Variants in FAM204A observed in about 807,000 individuals in gnomAD.
The protein encoded by FAM204A is family with sequence similarity 204 member A, also known as protein FAM204A.
Under a neutral mutation model 35.4 loss-of-function variants are expected in FAM204A, and 16 were observed. The ratio of observed to expected loss-of-function variants is 0.45; its 90% CI spans 0.31 to 0.69. The LOEUF (loss-of-function observed/expected upper bound fraction) is 0.69, where lower values mean the gene tolerates loss of function less well. Ranked by LOEUF, FAM204A falls within the 30% of genes least tolerant of loss-of-function variation. The probability of loss-of-function intolerance (pLI) is 0.07; values close to 1 mark genes in which losing one functional copy is unlikely to be tolerated. For synonymous variants in FAM204A, 76 were observed against 86.9 expected, an observed-to-expected ratio of 0.88 and a Z score of 0.70; for missense variants, 240 against 265.7, an observed-to-expected ratio of 0.90 and a Z score of 0.67.
At chr10:118,319,238 T>C (rs1372007248) in intron 7 of FAM204A, among the ~76,000 whole-genome samples, 1 of 152,026 alleles carries the variant, frequency 6.6e-6, no homozygotes, top group Admixed American at 6.6e-5. Flanking sequence ...TCTCCACAAT[T>C]GCTTTACAGA....
rs929049515 is a variant in FAM204A at position 118,306,027 on chromosome 10, C to A, written c.*4830G>T. 6 of 152,238 alleles carry A rather than the reference C, an allele frequency of 3.9e-5. No individual in the cohort carries two copies. The highest frequency in any genetic ancestry group is 1.4e-4 in the African/African-American group (6 of 41,454). The allele number at this position is 152,238 out of a possible 1,614,324, so 9.4% of individuals were successfully genotyped here. A position where few individuals can be genotyped will look rare whatever the true frequency, so the allele number is the denominator to read the frequency against. On this transcript the variant is annotated 3_prime_UTR_variant, in exon 9 of 9. Transcript: ENST00000369183. ...CTTCTTGATCAAATGCCAGAACTTACAGATGAATATGAAACAGACATCAAT... is the reference window on the plus strand; with the variant it reads ...CTTCTTGATCAAATGCCAGAACTTAAAGATGAATATGAAACAGACATCAAT...
At chr10:118,315,998 C>T (rs1475836056) in intron 7 of FAM204A, among the ~76,000 whole-genome samples, 1 of 152,132 alleles carries the variant, frequency 6.6e-6, no homozygotes, top group African/African-American at 2.4e-5. Flanking sequence ...AGTAATATGA[C>T]ATTATTCATT....
rs1332374216 is a variant in FAM204A at position 118,301,356 on chromosome 10, G to C, written c.*9501C>G. 1 of 152,184 alleles carries C rather than the reference G, an allele frequency of 6.6e-6. No individual in the cohort carries two copies. Among genetic ancestry groups the C allele is most frequent in the Admixed American group, 6.5e-5 (1 of 15,280 alleles). 9.4% of individuals were successfully genotyped at this position (152,184 alleles called of 1,614,324 possible). ...TAGAAGACACTAGACTCTCAGTTCA[G>C]ACATTTACTCACAACAGAAATAGCC... On this transcript the variant is annotated 3_prime_UTR_variant, in exon 9 of 9. Transcript: ENST00000369183.
At chr10:118,331,302 T>C (rs1311225611) in intron 6 of FAM204A, among the ~76,000 whole-genome samples, 1 of 152,204 alleles carries the variant, frequency 6.6e-6, no homozygotes, top group African/African-American at 2.4e-5. Context: ...GAGCTACTGA[T>C]AGCCTGCAGC....
At chr10:118,336,559 C>A in intron 2 of FAM204A, 136 bp from the exon 3 acceptor site, 2 of 675,386 alleles carry the variant, frequency 3.0e-6, no homozygotes, top group Non-Finnish European at 4.5e-6. Context: ...TTTTTTTAAT[C>A]TAAAATGGCA....
intron 7 of FAM204A, among the ~76,000 whole-genome samples, chr10:118,312,745 G>A (rs529450355): frequency 4.6e-5 from 7 of 152,244 alleles, no homozygotes; most frequent in African/African-American, 9.6e-5. Flanking sequence ...ACTCAAACCC[G>A]TATTTAGCAG....
At chr10:118,320,741 G>A (rs1350626873) in intron 7 of FAM204A, among the ~76,000 whole-genome samples, 2 of 151,922 alleles carry the variant, frequency 1.3e-5, no homozygotes, top group East Asian at 1.9e-4. Context: ...CTTCAAACAT[G>A]TGAAGTGACT....
intron 4 of FAM204A, 29 bp downstream of exon 4, chr10:118,335,525 G>A (rs1367811028): frequency 6.9e-6 from 11 of 1,605,184 alleles, no homozygotes; most frequent in African/African-American, 6.7e-5. Context: ...GCATTAGCAC[G>A]ACGAACAACC....
intron 3 of FAM204A, 37 bp downstream of exon 3, chr10:118,336,145 C>A (rs1435102436): frequency 6.3e-7 from 1 of 1,596,048 alleles, no homozygotes; most frequent in Admixed American, 1.7e-5. Flanking sequence ...TGTGCACACA[C>A]ACAGGCTGTA....
chr10:118,329,304 C>A (rs1846251143), intron 6 of FAM204A, among the ~76,000 whole-genome samples: 1 of 152,140 alleles, frequency 6.6e-6, no homozygotes, highest in Non-Finnish European at 1.5e-5. Flanking sequence ...CATGTCATTA[C>A]CCAGCTTAAA....
intron 7 of FAM204A, among the ~76,000 whole-genome samples, chr10:118,321,570 A>T (rs1279189667): frequency 6.6e-6 from 1 of 152,026 alleles, no homozygotes; most frequent in Non-Finnish European, 1.5e-5. Flanking sequence ...ACAATGAGAA[A>T]AACATTTACT....
intron 3 of FAM204A, 33 bp from the exon 4 acceptor site, chr10:118,335,674 TA>T: frequency 6.8e-7 from 1 of 1,467,780 alleles, no homozygotes; most frequent in Non-Finnish European, 9.3e-7. Flanking sequence ...GAGAAGCAAA[TA>T]TACTTTCCAG....
At position 118,300,344 on chromosome 10, in the gene FAM204A, GA is replaced by G. The variant is rs1229544373; in HGVS notation, c.*10512del. 6.6e-6 allele frequency: 1 copy of G among 152,122 alleles called. No individual in the cohort carries two copies. The highest frequency in any genetic ancestry group is 1.5e-5 in the Non-Finnish European group (1 of 68,026). 9.4% of individuals were successfully genotyped at this position (152,122 alleles called of 1,614,324 possible). On this transcript the variant is annotated 3_prime_UTR_variant, in exon 9 of 9. Coordinates refer to ENST00000369183, the MANE Select transcript of FAM204A (RefSeq NM_022063.3). Reference sequence around the variant, plus strand: ...GGATGATTTAATGCAGAAATATCTTGAAAGAAAAGATGAAAGGACGTATTAC... The same window carrying G: ...GGATGATTTAATGCAGAAATATCTTGAAGAAAAGATGAAAGGACGTATTAC...
chr10:118,308,480 A>C lies in FAM204A; in HGVS notation c.*2377T>G, dbSNP rs1210857609. Reference sequence around the variant, plus strand: ...GAAAGGATAAAATAAAACTGCTCTCAAATGACATGTCAGCAGGGCCAATCC... The same window carrying C: ...GAAAGGATAAAATAAAACTGCTCTCCAATGACATGTCAGCAGGGCCAATCC... On this transcript the variant is annotated 3_prime_UTR_variant, in exon 9 of 9. Coordinates refer to ENST00000369183, the MANE Select transcript of FAM204A (RefSeq NM_022063.3). 4 of 152,194 alleles carry C rather than the reference A, an allele frequency of 2.6e-5. No homozygotes were observed. In the East Asian group the frequency reaches 7.7e-4, roughly 29 times the overall value. 9.4% of individuals were successfully genotyped at this position (152,194 alleles called of 1,614,324 possible).
intron 2 of FAM204A, among the ~76,000 whole-genome samples, chr10:118,341,478 T>C (rs1426315940): frequency 6.6e-6 from 1 of 152,170 alleles, no homozygotes; most frequent in Non-Finnish European, 1.5e-5. Flanking sequence ...TTTTATGAAA[T>C]GAATGTGTTC....
intron 6 of FAM204A, among the ~76,000 whole-genome samples, chr10:118,330,295 A>C (rs1028575300): frequency 2.0e-5 from 3 of 152,186 alleles, no homozygotes; most frequent in African/African-American, 7.2e-5. Flanking sequence ...GAACTTATCC[A>C]ATCTCACGCA....
chr10:118,330,891 T>G (rs184118890), intron 6 of FAM204A, among the ~76,000 whole-genome samples: 2 of 152,336 alleles, frequency 1.3e-5, no homozygotes, highest in Non-Finnish European at 2.9e-5. Context: ...CTCTGTGGGT[T>G]GCAGTTATCT....
chr10:118,323,594 AG>A lies in FAM204A; in HGVS notation c.543+2559del, dbSNP rs369882659. 2.5e-4 allele frequency among the ~76,000 whole-genome samples: 38 copies of A among 152,092 alleles called. No homozygotes were observed. The East Asian group carries it at 7.0e-3, about 28-fold the overall frequency. On this transcript the variant is annotated intron_variant, in intron 7 of 8. Coordinates refer to ENST00000369183, the MANE Select transcript of FAM204A (RefSeq NM_022063.3). ...TCCCTGAAAGCTCCCTTAAATCTTG[AG>A]CCACTCCTCACTATACTCCCCCATC...
intron 6 of FAM204A, among the ~76,000 whole-genome samples, chr10:118,332,223 G>GA (rs1295852398): frequency 4.7e-5 from 5 of 106,406 alleles, no homozygotes; most frequent in Non-Finnish European, 2.0e-5. Context: ...ACCAGGTTCA[G>GA]AAAAAATCTA....
Sources: allele counts gnomAD v4.1 joint callset (sites outside exome capture counted in the v4.1 genomes callset), GRCh38; gene constraint gnomAD v4.1.1; transcripts MANE v1.5; gene names NCBI Gene and HGNC (gene_info 2026-07-23, HGNC 2026-07-21).